NUDCD1: variants seen among roughly 807,000 people sequenced by gnomAD.
The protein encoded by NUDCD1 is NudC domain containing 1, also known as nudC domain-containing protein 1.
A neutral mutation model predicts 67.8 loss-of-function variants in NUDCD1; 60 were observed. The ratio of observed to expected loss-of-function variants is 0.88; its 90% confidence interval spans 0.72 to 1.10. The LOEUF is 1.10. NUDCD1 is among the 50% of genes least tolerant of loss of function. The pLI is 0.00. For synonymous variants in NUDCD1, 244 were observed against 230.8 expected (o/e 1.06, Z -0.52); for missense variants, 643 against 695.0 (o/e 0.93, Z 0.84).
rs142070443 is a variant in NUDCD1 at position 109,313,557 on chromosome 8, G to A, written c.273+8752C>T. ...TGCTTCAAATACATTACTATTTTAA[G>A]ACTGAGCAACTTGTGTGTGATATAC... On this transcript the variant is annotated intron_variant, in intron 2 of 9. Transcript: ENST00000239690. 2.1e-3 allele frequency among the ~76,000 whole-genome samples: 327 copies of A among 152,216 alleles called. 2 individuals carry two copies. Among genetic ancestry groups the A allele is most frequent in the African/African-American group, 7.4e-3 (309 of 41,522 alleles).
At chr8:109,285,759 C>A (rs1814559887) in intron 5 of NUDCD1, among the ~76,000 whole-genome samples, 1 of 152,044 alleles carries the variant, frequency 6.6e-6, no homozygotes, top group South Asian at 2.1e-4. Flanking sequence ...ACAAGAAAAG[C>A]ATGCTTACTC....
rs1813396275 is a variant in NUDCD1 at position 109,242,784 on chromosome 8, CTCT to C, written c.*222_*224del. ...AGTATACTTGCTAGTACTATCTTCA[CTCT>C]TTTTTTTTTTCAGAAGCCAATGTTC... is the stretch of plus-strand genomic sequence containing the variant. On this transcript the variant is annotated 3_prime_UTR_variant, in exon 10 of 10. Coordinates refer to ENST00000239690, the MANE Select transcript of NUDCD1 (RefSeq NM_032869.4). 3.4e-5 allele frequency: 10 copies of C among 298,198 alleles called. No homozygotes were observed. In the South Asian group the frequency reaches 6.5e-4, roughly 19 times the overall value. The allele number at this position is 298,198 out of a possible 1,614,324, so 18.5% of individuals were successfully genotyped here. A position where few individuals can be genotyped will look rare whatever the true frequency, so the allele number is the denominator to read the frequency against.
intron 7 of NUDCD1, among the ~76,000 whole-genome samples, chr8:109,274,410 G>A (rs1011311311): frequency 3.3e-5 from 5 of 152,052 alleles, no homozygotes; most frequent in African/African-American, 1.2e-4. Flanking sequence ...CTCCACTACT[G>A]TCACTATTAT....
At chr8:109,319,217 C>T (rs2926250) in intron 2 of NUDCD1, among the ~76,000 whole-genome samples, 56,592 of 151,950 alleles carry the variant, frequency 0.37, 11,423 homozygotes, top group South Asian at 0.51. Context: ...TCATGATCCG[C>T]CCGCCTCTGC....
chr8:109,248,707 C>T (rs186640741), intron 8 of NUDCD1, among the ~76,000 whole-genome samples: 2 of 140,354 alleles, frequency 1.4e-5, no homozygotes, highest in East Asian at 4.0e-4. Flanking sequence ...TAGCTTTCCA[C>T]TGTTTGGAAA....
chr8:109,296,648 TG>T, intron 2 of NUDCD1, 79 bp from the exon 3 acceptor site: 1 of 977,322 alleles, frequency 1.0e-6, no homozygotes, highest in East Asian at 2.5e-5. Flanking sequence ...TGCGGTGTGG[TG>T]GTTTCTCTCC....
At position 109,295,004 on chromosome 8, in the gene NUDCD1, T is replaced by A. The variant is rs542483925; in HGVS notation, c.459+1380A>T. Among the ~76,000 whole-genome samples the A allele has an allele frequency of 9.9e-5, 15 of 152,182 alleles. No individual in the cohort carries two copies. In the East Asian group the frequency reaches 2.9e-3, roughly 29 times the overall value. ...TCTCCCACCAGTATCTAGTCAAAAC[T>A]ATTATTAGCTGAAAACATCTCTGAA... On this transcript the variant is annotated intron_variant, in intron 3 of 9. Transcript: ENST00000239690.
chr8:109,332,000 C>T (rs1815817745), intron 1 of NUDCD1, among the ~76,000 whole-genome samples: 1 of 152,184 alleles, frequency 6.6e-6, no homozygotes. Context: ...ATTTCCCTTT[C>T]CTCATGCTTT....
At chr8:109,250,059 G>T (rs1297903119) in intron 8 of NUDCD1, among the ~76,000 whole-genome samples, 4 of 151,814 alleles carry the variant, frequency 2.6e-5, no homozygotes, top group Non-Finnish European at 5.9e-5. Flanking sequence ...TGTTGCCCAG[G>T]CTGGTCTTGA....
intron 1 of NUDCD1, among the ~76,000 whole-genome samples, chr8:109,330,642 C>T (rs1288178349): frequency 2.6e-5 from 4 of 152,158 alleles, no homozygotes; most frequent in Non-Finnish European, 2.9e-5. Flanking sequence ...TTTCAACTCC[C>T]GTATCTGTTC....
intron 4 of NUDCD1, among the ~76,000 whole-genome samples, chr8:109,291,327 T>C (rs61245151): frequency 0.098 from 14,882 of 152,136 alleles, 775 homozygotes; most frequent in Middle Eastern, 0.14. Context: ...GTAATTTTTG[T>C]AGAGACGGTG....
Position 109,311,559 on chromosome 8 carries a change from G to GTGTATATATCTATATATA in NUDCD1, c.273+10749_273+10750insTATATATAGATATATACA. On this transcript the variant is annotated intron_variant, in intron 2 of 9. Coordinates refer to ENST00000239690, the MANE Select transcript of NUDCD1 (RefSeq NM_032869.4). ...AATGAGTGGATAAAGAAACTGTGGT[G>GTGTATATATCTATATATA]TATATATATATATGATGGGATACTG... Among the ~76,000 whole-genome samples the GTGTATATATCTATATATA allele has an allele frequency of 1.6e-5, 2 of 125,120 alleles. 1 individual carries two copies. The highest frequency in any genetic ancestry group is 7.0e-5 in the African/African-American group (2 of 28,698). 82.1% of individuals were successfully genotyped at this position (125,120 alleles called of 152,430 possible).
At position 109,249,096 on chromosome 8, in the gene NUDCD1, G is replaced by T. The variant is rs781418722; in HGVS notation, c.1300-3615C>A. On this transcript the variant is annotated intron_variant, in intron 8 of 9. Coordinates refer to ENST00000239690, the MANE Select transcript of NUDCD1 (RefSeq NM_032869.4). ...GGGTGATAGCTATGACTTTGGGTAGGATATTTAAACCATTTTATTCCCCTT... is the reference window on the plus strand; with the variant it reads ...GGGTGATAGCTATGACTTTGGGTAGTATATTTAAACCATTTTATTCCCCTT... Among the ~76,000 whole-genome samples, 68 of 152,226 alleles carry T rather than the reference G, an allele frequency of 4.5e-4. 1 individual carries two copies. The highest frequency in any genetic ancestry group is 3.8e-4 in the Non-Finnish European group (26 of 68,018).
intron 9 of NUDCD1, among the ~76,000 whole-genome samples, chr8:109,244,416 A>T (rs565269566): frequency 6.6e-6 from 1 of 152,148 alleles, no homozygotes; most frequent in Non-Finnish European, 1.5e-5. Flanking sequence ...TCTTCTGACC[A>T]AAGTATAGAT....
Position 109,242,929 on chromosome 8 carries a change from G to A in NUDCD1, c.*80C>T. On this transcript the variant is annotated 3_prime_UTR_variant, in exon 10 of 10. Coordinates refer to ENST00000239690, the MANE Select transcript of NUDCD1 (RefSeq NM_032869.4). ...ATATATTTAGCACATTAAAACTTAAGAGGTTACAGTATAACTGTCCAGACC... is the reference window on the plus strand; with the variant it reads ...ATATATTTAGCACATTAAAACTTAAAAGGTTACAGTATAACTGTCCAGACC... 2.5e-6 allele frequency: 2 copies of A among 800,680 alleles called. No homozygotes were observed. The highest frequency in any genetic ancestry group is 4.0e-6 in the Non-Finnish European group (2 of 505,250). The allele number at this position is 800,680 out of a possible 1,614,324, so 49.6% of individuals were successfully genotyped here. A position where few individuals can be genotyped will look rare whatever the true frequency, so the allele number is the denominator to read the frequency against.
intron 3 of NUDCD1, among the ~76,000 whole-genome samples, chr8:109,295,074 G>A (rs1015256907): frequency 2.6e-5 from 4 of 151,972 alleles, no homozygotes; most frequent in African/African-American, 9.7e-5. Flanking sequence ...GAAGGCACAA[G>A]GTAGAATTAA....
intron 5 of NUDCD1, 120 bp downstream of exon 5, chr8:109,289,631 T>C (rs1814656169): frequency 9.3e-6 from 5 of 537,044 alleles, no homozygotes; most frequent in African/African-American, 2.0e-5. Flanking sequence ...CATGAGAAAA[T>C]AAAGAAAAAA....
At chr8:109,244,162 A>C (rs1037886406) in intron 9 of NUDCD1, among the ~76,000 whole-genome samples, 3 of 152,132 alleles carry the variant, frequency 2.0e-5, no homozygotes, top group African/African-American at 7.2e-5. Flanking sequence ...CATGCAGATC[A>C]ATACTGTTTT....
At chr8:109,269,413 C>A (rs1200472591) in intron 8 of NUDCD1, among the ~76,000 whole-genome samples, 25 of 152,132 alleles carry the variant, frequency 1.6e-4, no homozygotes, top group Admixed American at 1.6e-3. Context: ...AATTAATGTT[C>A]AGCCATTAAA....
Sources: allele counts gnomAD v4.1 joint callset (sites outside exome capture counted in the v4.1 genomes callset), GRCh38; gene constraint gnomAD v4.1.1; transcripts MANE v1.5; gene names NCBI Gene and HGNC (gene_info 2026-07-23, HGNC 2026-07-21).